Variants in CCDC170 observed in about 807,000 individuals in gnomAD.
CCDC170 encodes coiled-coil domain containing 170.
A neutral mutation model predicts 72.6 loss-of-function variants in CCDC170; 69 were observed. The ratio of observed to expected loss-of-function variants is 0.95; its 90% CI spans 0.78 to 1.16. The LOEUF (loss-of-function observed/expected upper bound fraction) is 1.16, where lower values mean the gene tolerates loss of function less well. CCDC170 is among the 50% of genes most tolerant of loss of function. CCDC170 has a pLI of 0.00. For missense variants in CCDC170, 852 were observed against 832.5 expected, an observed-to-expected ratio of 1.02 and a Z score of -0.29; for synonymous variants, 300 against 303.9, an observed-to-expected ratio of 0.99 and a Z score of 0.13.
intron 6 of CCDC170, 72 bp from the exon 7 acceptor site, chr6:151,585,817 C>T: frequency 7.2e-7 from 1 of 1,397,652 alleles, no homozygotes; most frequent in Non-Finnish European, 9.9e-7. Flanking sequence ...GCTGCTTAGG[C>T]AGAGCAGTAG....
chr6:151,574,627 G>C (rs921153349), intron 6 of CCDC170, among the ~76,000 whole-genome samples: 2 of 152,142 alleles, frequency 1.3e-5, no homozygotes, highest in African/African-American at 4.8e-5. Flanking sequence ...AACAGTAAGT[G>C]GGATAAATGA....
intron 5 of CCDC170, among the ~76,000 whole-genome samples, chr6:151,557,906 C>G (rs932905983): frequency 9.2e-5 from 14 of 152,260 alleles, no homozygotes; most frequent in African/African-American, 3.1e-4. Flanking sequence ...TGAGACCAGC[C>G]TGGCCAACAT....
At chr6:151,570,566 G>A (rs1776202964) in intron 5 of CCDC170, among the ~76,000 whole-genome samples, 1 of 152,182 alleles carries the variant, frequency 6.6e-6, no homozygotes, top group Non-Finnish European at 1.5e-5. Flanking sequence ...AATATGTGTA[G>A]CTTATATGAG....
chr6:151,530,619 T>C (rs1208422305), intron 1 of CCDC170, among the ~76,000 whole-genome samples: 1 of 151,992 alleles, frequency 6.6e-6, no homozygotes, highest in African/African-American at 2.4e-5. Context: ...TTTTTGTATG[T>C]TTAGTAGAGA....
At chr6:151,513,613 C>CAAAAAAAA (rs71014591) in intron 1 of CCDC170, among the ~76,000 whole-genome samples, 1 of 45,998 alleles carries the variant, frequency 2.2e-5, no homozygotes, top group Non-Finnish European at 3.7e-5. Flanking sequence ...GGCTCCGTCT[C>CAAAAAAAA]AAAAAAAAAA....
chr6:151,508,700 G>A (rs185182623), intron 1 of CCDC170, among the ~76,000 whole-genome samples: 1 of 150,820 alleles, frequency 6.6e-6, no homozygotes, highest in African/African-American at 2.4e-5. Context: ...GTGACAGAGT[G>A]AGACTCTGTC....
At chr6:151,536,131 C>G (rs955791813) in intron 1 of CCDC170, 187 bp from the exon 2 acceptor site, 2 of 607,140 alleles carry the variant, frequency 3.3e-6, no homozygotes, top group African/African-American at 3.7e-5. Context: ...CGAACTTTCT[C>G]CTGCTTCCCT....
intron 5 of CCDC170, among the ~76,000 whole-genome samples, chr6:151,565,936 G>A (rs1026492770): frequency 1.1e-4 from 17 of 152,008 alleles, no homozygotes; most frequent in East Asian, 3.9e-4. Flanking sequence ...CCATTTTGCC[G>A]TGTCCCTTTT....
rs1321279603 is a variant in CCDC170, at chr6:151,575,521, C to CT, written c.1092+2033dup. ...AGCCAAGCACATTTTCTTTTCTTTT[C>CT]TTTCTTTTTTTTTTTTTTTTTTTTT... On this transcript the variant is annotated intron_variant, in intron 6 of 10. Transcript: ENST00000239374. Among the ~76,000 whole-genome samples the CT allele has an allele frequency of 1.9e-4, 14 of 72,196 alleles. No individual in the cohort carries two copies. In the East Asian group the frequency reaches 4.7e-3, roughly 24 times the overall value. The allele number at this position is 72,196 out of a possible 152,430, so 47.4% of individuals were successfully genotyped here. A position where few individuals can be genotyped will look rare whatever the true frequency, so the allele number is the denominator to read the frequency against.
chr6:151,617,828 A>T, intron 10 of CCDC170, 119 bp from the exon 11 acceptor site: 1 of 838,560 alleles, frequency 1.2e-6, no homozygotes, highest in Non-Finnish European at 1.8e-6. Context: ...GAGAGTAGAT[A>T]ATTTCCCTAC....
At chr6:151,567,570 A>G (rs1314967639) in intron 5 of CCDC170, among the ~76,000 whole-genome samples, 1 of 152,164 alleles carries the variant, frequency 6.6e-6, no homozygotes, top group Non-Finnish European at 1.5e-5. Flanking sequence ...TCAATCCTTC[A>G]TCTGTCAACA....
intron 1 of CCDC170, among the ~76,000 whole-genome samples, chr6:151,513,126 C>T (rs990421592): frequency 6.6e-6 from 1 of 152,110 alleles, no homozygotes; most frequent in Non-Finnish European, 1.5e-5. Context: ...AATGTCGAAT[C>T]GCGGGAGAGT....
intron 1 of CCDC170, among the ~76,000 whole-genome samples, chr6:151,507,780 G>A (rs1228432087): frequency 1.3e-5 from 2 of 152,040 alleles, no homozygotes; most frequent in Non-Finnish European, 2.9e-5. Context: ...CATTAGCTGG[G>A]TGTGGTGGCA....
intron 5 of CCDC170, among the ~76,000 whole-genome samples, chr6:151,558,237 T>G (rs889746583): frequency 6.7e-6 from 1 of 148,658 alleles, no homozygotes; most frequent in East Asian, 2.0e-4. Context: ...TTAGTGTTTT[T>G]TTTTTTTTTT....
intron 1 of CCDC170, 147 bp from the exon 2 acceptor site, chr6:151,536,171 C>A: frequency 1.1e-6 from 1 of 894,512 alleles, no homozygotes; most frequent in Non-Finnish European, 1.7e-6. Flanking sequence ...ACCAAATGGT[C>A]TGAACATAAC....
chr6:151,522,315 T>A (rs2115034357), intron 1 of CCDC170, among the ~76,000 whole-genome samples: 1 of 152,334 alleles, frequency 6.6e-6, no homozygotes, highest in Middle Eastern at 3.4e-3. Flanking sequence ...AAGCATTGTA[T>A]CTTGTTAGAT....
chr6:151,607,727 A>G (rs879436714), intron 9 of CCDC170, among the ~76,000 whole-genome samples: 1 of 151,970 alleles, frequency 6.6e-6, no homozygotes, highest in Non-Finnish European at 1.5e-5. Flanking sequence ...AAGTTCACTT[A>G]TATGTGACTT....
chr6:151,535,968 C>T (rs1782570405), intron 1 of CCDC170, among the ~76,000 whole-genome samples: 1 of 152,074 alleles, frequency 6.6e-6, no homozygotes, highest in Non-Finnish European at 1.5e-5. Flanking sequence ...TCTATCTGGT[C>T]AGGCTGGTCT....
intron 10 of CCDC170, among the ~76,000 whole-genome samples, chr6:151,616,752 GT>G (rs1473010689): frequency 6.6e-6 from 1 of 152,158 alleles, no homozygotes; most frequent in African/African-American, 2.4e-5. Flanking sequence ...CAAGATCAAA[GT>G]GTCTGGTGAG....
Sources: gnomAD v4.1 joint callset for allele counts (sites outside exome capture counted in the v4.1 genomes callset) on GRCh38, gnomAD v4.1.1 for gene constraint, MANE v1.5 for transcripts, NCBI Gene and HGNC (gene_info 2026-07-23, HGNC 2026-07-21) for gene names.